HSD17B2: variants seen among roughly 807,000 people sequenced by gnomAD.
HSD17B2 encodes hydroxysteroid 17-beta dehydrogenase 2, also known as 17-beta-hydroxysteroid dehydrogenase type 2.
Under a neutral mutation model 26.9 loss-of-function variants are expected in HSD17B2, and 32 were observed. The observed-to-expected ratio is 1.19, with a 90% CI of 0.90 to 1.60. HSD17B2 has a LOEUF of 1.60. Among genes scored for constraint, HSD17B2 ranks in the 40% most tolerant of loss-of-function variants. The probability of loss-of-function intolerance (pLI) is 0.00; values close to 1 mark genes in which losing one functional copy is unlikely to be tolerated. For missense variants in HSD17B2, 613 were observed against 468.6 expected (o/e 1.31, Z -2.85); for synonymous variants, 246 against 186.7 (o/e 1.32, Z -2.59).
intron 3 of HSD17B2, among the ~76,000 whole-genome samples, chr16:82,087,578 G>A (rs1048379086): frequency 6.6e-5 from 10 of 152,200 alleles, no homozygotes; most frequent in Admixed American, 1.3e-4. Context: ...AGTCTTAAAT[G>A]TTTGATTCAA....
At position 82,098,183 on chromosome 16, in the gene HSD17B2, G is replaced by A. The variant is rs763474920; in HGVS notation, c.911G>A (p.Arg304Gln). 14 of 1,613,950 alleles carry A rather than the reference G, an allele frequency of 8.7e-6. 1 individual carries two copies. Among genetic ancestry groups the A allele is most frequent in the South Asian group, 6.6e-5 (6 of 91,080 alleles). ...DYGQDYILAQRNFLLLINSLA... is the reference protein window; with the variant it reads ...DYGQDYILAQQNFLLLINSLA... ...GGCCAGGACTACATCTTAGCACAGC[G>A]GAATTTCCTCCTATTGATCAACTCG... Residue 304 changes from arginine to glutamine, a missense_variant, in exon 5 of 5, where the codon CGG becomes CAG. Coordinates refer to ENST00000199936, the MANE Select transcript of HSD17B2 (RefSeq NM_002153.3).
chr16:82,057,204 C>CTTTT (rs34353182), intron 1 of HSD17B2, among the ~76,000 whole-genome samples: 1 of 143,862 alleles, frequency 7.0e-6, no homozygotes, highest in African/African-American at 2.5e-5. Flanking sequence ...CTTTTCTTTT[C>CTTTT]TTTTTTTTTT....
At chr16:82,041,415 A>G (rs888297084) in intron 1 of HSD17B2, among the ~76,000 whole-genome samples, 4 of 152,218 alleles carry the variant, frequency 2.6e-5, no homozygotes, top group African/African-American at 7.2e-5. Flanking sequence ...GCAGAGTGAC[A>G]TGGCTGAGCT....
Position 82,071,893 on chromosome 16 carries a change from C to G in HSD17B2, c.664+766C>G, listed in dbSNP as rs146540948. Reference sequence around the variant, plus strand: ...GGGATGGGCTCTGGATCCTAGGATCCTGCCTTCAAATAGAGGAGTACCACT... The same window carrying G: ...GGGATGGGCTCTGGATCCTAGGATCGTGCCTTCAAATAGAGGAGTACCACT... On this transcript the variant is annotated intron_variant, in intron 3 of 4. Coordinates refer to ENST00000199936, the MANE Select transcript of HSD17B2 (RefSeq NM_002153.3). The G allele has an allele frequency of 3.3e-5, 5 of 152,502 alleles. No homozygotes were observed. In the East Asian group the frequency reaches 9.7e-4, roughly 29 times the overall value. The allele number at this position is 152,502 out of a possible 1,614,324, so 9.4% of individuals were successfully genotyped here. A position where few individuals can be genotyped will look rare whatever the true frequency, so the allele number is the denominator to read the frequency against.
Position 82,073,795 on chromosome 16 carries a change from C to T in HSD17B2, c.664+2668C>T, listed in dbSNP as rs570112492. ...CTCTGCCCAAAGCAATTTATAGATT[C>T]GATGCTATTCCTATTAAACTACCAT... On this transcript the variant is annotated intron_variant, in intron 3 of 4. Transcript: ENST00000199936. 7.9e-5 allele frequency among the ~76,000 whole-genome samples: 12 copies of T among 152,206 alleles called. No homozygotes were observed. In the East Asian group the frequency reaches 1.5e-3, roughly 20 times the overall value.
At chr16:82,036,554 T>A (rs1440083054) in intron 1 of HSD17B2, among the ~76,000 whole-genome samples, 1 of 151,976 alleles carries the variant, frequency 6.6e-6, no homozygotes, top group East Asian at 1.9e-4. Flanking sequence ...CCTCTGACCA[T>A]GATCCTCAGG....
chr16:82,085,362 G>A (rs1211164332), intron 3 of HSD17B2, among the ~76,000 whole-genome samples: 1 of 152,198 alleles, frequency 6.6e-6, no homozygotes, highest in Non-Finnish European at 1.5e-5. Flanking sequence ...GCTGGGTTGT[G>A]TGAGAGATTT....
intron 1 of HSD17B2, among the ~76,000 whole-genome samples, chr16:82,050,032 T>C (rs928619891): frequency 6.6e-6 from 1 of 152,242 alleles, no homozygotes; most frequent in African/African-American, 2.4e-5. Context: ...TGCCTGGGCA[T>C]TGGTGTTTCT....
At chr16:82,039,330 TGAGAGAGAGAGAGAGAGAGAGG>T (rs1213297331) in intron 1 of HSD17B2, among the ~76,000 whole-genome samples, 2 of 143,520 alleles carry the variant, frequency 1.4e-5, no homozygotes, top group East Asian at 4.1e-4. Flanking sequence ...AGTTAGCAGA[TGAGAGAGAGAGAGAGAGAGAGG>T]GAGAGAGAGA....
intron 1 of HSD17B2, among the ~76,000 whole-genome samples, chr16:82,039,748 C>T (rs1256945282): frequency 1.3e-5 from 2 of 152,106 alleles, no homozygotes; most frequent in Admixed American, 1.3e-4. Context: ...CATCCTGCCC[C>T]CTCCAGTCAT....
intron 1 of HSD17B2, among the ~76,000 whole-genome samples, chr16:82,061,972 T>G (rs61537150): frequency 0.015 from 2,291 of 152,318 alleles, 40 homozygotes; most frequent in South Asian, 0.072. Flanking sequence ...TCAAGAGGCC[T>G]GGCCTGAAGA....
chr16:82,080,524 A>T (rs754411849), intron 3 of HSD17B2, among the ~76,000 whole-genome samples: 7 of 152,190 alleles, frequency 4.6e-5, no homozygotes, highest in Non-Finnish European at 1.0e-4. Flanking sequence ...TCTCCCCTAG[A>T]GCCTCCAGAA....
chr16:82,046,753 A>G (rs1372525926), intron 1 of HSD17B2, among the ~76,000 whole-genome samples: 1 of 152,164 alleles, frequency 6.6e-6, no homozygotes, highest in African/African-American at 2.4e-5. Context: ...CAATACCCCT[A>G]TTCTAGAGTG....
At chr16:82,067,161 A>G (rs1023642247) in intron 1 of HSD17B2, among the ~76,000 whole-genome samples, 2 of 152,160 alleles carry the variant, frequency 1.3e-5, no homozygotes, top group African/African-American at 4.8e-5. Context: ...CTTTGAGTTG[A>G]TTCTCTGCAT....
chr16:82,060,101 T>A (rs1222308562), intron 1 of HSD17B2, among the ~76,000 whole-genome samples: 1 of 152,206 alleles, frequency 6.6e-6, no homozygotes, highest in East Asian at 1.9e-4. Context: ...TTTTGTTGTA[T>A]TTCTCTAACA....
At chr16:82,092,875 T>G (rs1336044847) in intron 4 of HSD17B2, 3 of 152,154 alleles carry the variant, frequency 2.0e-5, no homozygotes, top group African/African-American at 7.2e-5. Flanking sequence ...ATTTTGAATC[T>G]GGCAGGAGGA....
chr16:82,071,292 C>T (rs537855379), intron 3 of HSD17B2, 165 bp downstream of exon 3: 316 of 702,130 alleles, frequency 4.5e-4, no homozygotes, highest in Non-Finnish European at 6.0e-4. Context: ...AAACCTTTCT[C>T]TTCTTTCAAA....
chr16:82,053,456 TTA>T (rs1211313186), intron 1 of HSD17B2, among the ~76,000 whole-genome samples: 1 of 152,090 alleles, frequency 6.6e-6, no homozygotes, highest in Non-Finnish European at 1.5e-5. Flanking sequence ...TATTTATTTA[TTA>T]TTAAAGTAGC....
intron 1 of HSD17B2, among the ~76,000 whole-genome samples, chr16:82,060,122 C>A (rs992151001): frequency 6.6e-6 from 1 of 152,082 alleles, no homozygotes; most frequent in African/African-American, 2.4e-5. Flanking sequence ...TTTTATTATA[C>A]CTTAATCTAT....
Sources: gnomAD v4.1 joint callset for allele counts (sites outside exome capture counted in the v4.1 genomes callset) on GRCh38, gnomAD v4.1.1 for gene constraint, MANE v1.5 for transcripts, NCBI Gene and HGNC (gene_info 2026-07-23, HGNC 2026-07-21) for gene names.